The following EBF1 variants were observed in gnomAD, a reference collection of about 807,000 sequenced individuals.
EBF1 encodes the protein EBF transcription factor 1, also known as transcription factor COE1.
In EBF1, 10 loss-of-function variants were observed where a neutral mutation model predicts 68.4. The ratio of observed to expected loss-of-function variants is 0.15; its 90% CI spans 0.09 to 0.25. EBF1 has a LOEUF of 0.25. EBF1 is among the 10% of genes least tolerant of loss of function. The pLI, the probability that EBF1 is intolerant of heterozygous loss-of-function variation, is 1.00. For synonymous variants in EBF1, 298 were observed against 299.8 expected, an observed-to-expected ratio of 0.99 and a Z score of 0.06; for missense variants, 509 against 794.4, an observed-to-expected ratio of 0.64 and a Z score of 4.32.
chr5:158,885,822 A>G (rs2128099463), intron 6 of EBF1, among the ~76,000 whole-genome samples: 1 of 152,272 alleles, frequency 6.6e-6, no homozygotes, highest in South Asian at 2.1e-4. Flanking sequence ...ATTCTCTGCC[A>G]TGATGTTCTC....
intron 8 of EBF1, among the ~76,000 whole-genome samples, chr5:158,799,801 C>T (rs1049184577): frequency 6.6e-6 from 1 of 152,168 alleles, no homozygotes; most frequent in African/African-American, 2.4e-5. Context: ...CTAGCATCGT[C>T]TGGGTTTCTG....
intron 8 of EBF1, among the ~76,000 whole-genome samples, chr5:158,819,215 A>G (rs1784345447): frequency 6.6e-6 from 1 of 152,256 alleles, no homozygotes; most frequent in Non-Finnish European, 1.5e-5. Context: ...CAAAGCCACT[A>G]GAGTGTATTC....
intron 8 of EBF1, among the ~76,000 whole-genome samples, chr5:158,807,701 T>A (rs953999258): frequency 6.6e-6 from 1 of 152,138 alleles, no homozygotes; most frequent in African/African-American, 2.4e-5. Flanking sequence ...TCATGGCCAA[T>A]TCTGCTCCTG....
intron 4 of EBF1, among the ~76,000 whole-genome samples, chr5:159,087,550 T>C (rs557854940): frequency 6.6e-6 from 1 of 152,036 alleles, no homozygotes; most frequent in African/African-American, 2.4e-5. Flanking sequence ...TTTATTTCAA[T>C]TCTTTCTAGA....
rs554821590 is a variant in EBF1, at chr5:158,993,681, C to T, written c.554+79715G>A. On this transcript the variant is annotated intron_variant, in intron 6 of 15. Coordinates refer to ENST00000313708, the MANE Select transcript of EBF1 (RefSeq NM_024007.5). ...ATCCTATGAGTTCAAGGGATTGCTC[C>T]AAATGTAAAATGACATAAGGAGAAA... 1.7e-4 allele frequency among the ~76,000 whole-genome samples: 26 copies of T among 152,192 alleles called. 1 individual carries two copies. Among genetic ancestry groups the T allele is most frequent in the African/African-American group, 5.1e-4 (21 of 41,540 alleles).
At chr5:159,022,013 C>G (rs1378208525) in intron 6 of EBF1, among the ~76,000 whole-genome samples, 1 of 131,648 alleles carries the variant, frequency 7.6e-6, no homozygotes, top group Non-Finnish European at 1.6e-5. Context: ...CTTCAGTTAA[C>G]TTCTTAAGGG....
At chr5:159,094,165 C>CAAAAAAAAAAAAAAAAAA (rs869228922) in intron 4 of EBF1, among the ~76,000 whole-genome samples, 1 of 21,874 alleles carries the variant, frequency 4.6e-5, no homozygotes, top group African/African-American at 1.4e-4. Flanking sequence ...CCTTGGAAGG[C>CAAAAAAAAAAAAAAAAAA]AAAAAAAAAA....
At chr5:158,756,182 T>A (rs959695307) in intron 10 of EBF1, among the ~76,000 whole-genome samples, 2 of 152,076 alleles carry the variant, frequency 1.3e-5, no homozygotes, top group African/African-American at 4.8e-5. Context: ...GCTGTTTCCC[T>A]CTGGCCAAAT....
intron 9 of EBF1, among the ~76,000 whole-genome samples, chr5:158,793,594 T>A (rs1180025419): frequency 6.6e-6 from 1 of 152,182 alleles, no homozygotes; most frequent in Non-Finnish European, 1.5e-5. Context: ...ATGGTATAGT[T>A]CAAATCCAGT....
intron 6 of EBF1, among the ~76,000 whole-genome samples, chr5:158,871,605 A>AC (rs1350925765): frequency 6.6e-6 from 1 of 152,094 alleles, no homozygotes; most frequent in African/African-American, 2.4e-5. Flanking sequence ...ACTTTATAAA[A>AC]CCCCCTGGCC....
At position 158,864,223 on chromosome 5, in the gene EBF1, CAAAAAAAAAA is replaced by C. The variant is rs34498854; in HGVS notation, c.555-24123_555-24114del. ...TGGGTGACAGAGCAAGACTCTGTCT[CAAAAAAAAAA>C]AAAAAAAAAAAAAAAATCTAACTCA... is the stretch of plus-strand genomic sequence containing the variant. On this transcript the variant is annotated intron_variant, in intron 6 of 15. Coordinates refer to ENST00000313708, the MANE Select transcript of EBF1 (RefSeq NM_024007.5). 8.7e-4 allele frequency among the ~76,000 whole-genome samples: 51 copies of C among 58,606 alleles called. No homozygotes were observed. In the South Asian group the frequency reaches 0.012, roughly 14 times the overall value. The allele number at this position is 58,606 out of a possible 152,430, so 38.4% of individuals were successfully genotyped here.
In EBF1 at chr5:158,778,189, G is replaced by A. The variant is rs943567530; in HGVS notation, c.910-650C>T. ...TCACTGGTCCATTATGCAATGCCAC[G>A]TGCACAATGAGAAAGTTCATTTCTG... is the stretch of plus-strand genomic sequence containing the variant. On this transcript the variant is annotated intron_variant, in intron 9 of 15. Coordinates refer to ENST00000313708, the MANE Select transcript of EBF1 (RefSeq NM_024007.5). Among the ~76,000 whole-genome samples, 5 of 152,162 alleles carry A rather than the reference G, an allele frequency of 3.3e-5. 1 individual carries two copies. The highest frequency in any genetic ancestry group is 5.9e-5 in the Non-Finnish European group (4 of 68,014).
Position 159,011,845 on chromosome 5 carries a change from A to T in EBF1, c.554+61551T>A, listed in dbSNP as rs2216634. ...GGTTCTGCTAAGAAAAAATATAATG[A>T]AAATAAATCTTGCGCTTTAATGTGG... On this transcript the variant is annotated intron_variant, in intron 6 of 15. Coordinates refer to ENST00000313708, the MANE Select transcript of EBF1 (RefSeq NM_024007.5). Among the ~76,000 whole-genome samples, 909 of 152,398 alleles carry T rather than the reference A, an allele frequency of 6.0e-3. 11 individuals carry two copies. The highest frequency in any genetic ancestry group is 0.021 in the African/African-American group (855 of 41,602).
chr5:159,097,971 C>A (rs1355925132), intron 1 of EBF1, among the ~76,000 whole-genome samples: 1 of 152,220 alleles, frequency 6.6e-6, no homozygotes, highest in Non-Finnish European at 1.5e-5. Flanking sequence ...GAGCGCCCCG[C>A]GCACACACTT....
chr5:158,809,058 T>C (rs1782122041), intron 8 of EBF1, among the ~76,000 whole-genome samples: 1 of 152,136 alleles, frequency 6.6e-6, no homozygotes, highest in Admixed American at 6.6e-5. Context: ...GCTGGGCATG[T>C]ATATACATAG....
intron 6 of EBF1, among the ~76,000 whole-genome samples, chr5:158,971,462 A>G (rs1755635170): frequency 1.3e-5 from 2 of 152,346 alleles, no homozygotes; most frequent in South Asian, 4.1e-4. Flanking sequence ...CCCTGGACCC[A>G]GCAGTACAGG....
At chr5:159,099,308 C>G (rs778509401) in intron 1 of EBF1, 37 bp downstream of exon 1, 4 of 1,459,816 alleles carry the variant, frequency 2.7e-6, no homozygotes, top group Non-Finnish European at 3.6e-6. Context: ...CTCCCGCTCG[C>G]GGCTCACCTC....
chr5:158,898,980 C>T (rs1042293810), intron 6 of EBF1, among the ~76,000 whole-genome samples: 6 of 152,340 alleles, frequency 3.9e-5, no homozygotes, highest in Admixed American at 2.0e-4. Flanking sequence ...ATGCCCCAGT[C>T]ATTCCTCTAA....
intron 9 of EBF1, among the ~76,000 whole-genome samples, chr5:158,796,137 G>A (rs890004253): frequency 1.3e-5 from 2 of 152,004 alleles, no homozygotes; most frequent in African/African-American, 4.8e-5. Context: ...ATTGCTTATG[G>A]GCCAAAGAAA....
Sources: allele counts gnomAD v4.1 joint callset (sites outside exome capture counted in the v4.1 genomes callset), GRCh38; gene constraint gnomAD v4.1.1; transcripts MANE v1.5; gene names NCBI Gene and HGNC (gene_info 2026-07-23, HGNC 2026-07-21).